Variants in PTPRS observed in about 807,000 individuals in gnomAD.
The protein encoded by PTPRS is protein tyrosine phosphatase receptor type S, also known as receptor-type tyrosine-protein phosphatase S.
A neutral mutation model predicts 215.3 loss-of-function variants in PTPRS; 63 were observed. That is an observed-to-expected ratio of 0.29 (90% CI 0.24 to 0.36). The LOEUF (loss-of-function observed/expected upper bound fraction) is 0.36. Ranked by LOEUF, PTPRS falls within the 10% of genes least tolerant of loss-of-function variation. PTPRS has a pLI of 1.00. For missense variants in PTPRS, 2,258 were observed against 2,825.8 expected (o/e 0.80, Z 4.56); for synonymous variants, 1,404 against 1,191.4 (o/e 1.18, Z -3.68).
At chr19:5,223,614 G>A (rs932203368) in intron 17 of PTPRS, among the ~76,000 whole-genome samples, 1 of 147,832 alleles carries the variant, frequency 6.8e-6, no homozygotes, top group Non-Finnish European at 1.5e-5. Context: ...CCAGGCTGAA[G>A]TGCAGTAGCC....
Position 5,237,338 on chromosome 19 carries a change from C to A in PTPRS, c.1849+1581G>T, listed in dbSNP as rs2043546966. 6.6e-6 allele frequency among the ~76,000 whole-genome samples: 1 copy of A among 152,258 alleles called. No homozygotes were observed. Among genetic ancestry groups the A allele is most frequent in the African/African-American group, 2.4e-5 (1 of 41,472 alleles). On this transcript the variant is annotated intron_variant, in intron 13 of 37. Coordinates refer to ENST00000262963, the MANE Select transcript of PTPRS (RefSeq NM_002850.4). This position sits in a 1 kb window ranked among gnomAD's most constrained non-coding sequence, Gnocchi z 4.2. ...GCCCTGAGTCTTTGCTGTCGGTTCT[C>A]CTGGGCCCCACCCGTCTCGGGGCAA...
chr19:5,268,270 G>A (rs2046603615), intron 4 of PTPRS, among the ~76,000 whole-genome samples: 1 of 152,306 alleles, frequency 6.6e-6, no homozygotes, highest in Middle Eastern at 3.4e-3. Context: ...CAATGGCAGA[G>A]TTTTGGGTTG....
At chr19:5,333,200 G>C (rs958800320) in intron 1 of PTPRS, among the ~76,000 whole-genome samples, 2 of 151,098 alleles carry the variant, frequency 1.3e-5, no homozygotes, top group Non-Finnish European at 2.9e-5. Flanking sequence ...GCCAGGTGTG[G>C]TGGCTCACAC....
At chr19:5,272,501 G>C (rs987903789) in intron 4 of PTPRS, among the ~76,000 whole-genome samples, 6 of 149,674 alleles carry the variant, frequency 4.0e-5, no homozygotes, top group Non-Finnish European at 7.4e-5. Context: ...GGGAGGCTGA[G>C]GCAGGAGAAT....
chr19:5,251,554 C>T (rs1599705108), intron 9 of PTPRS, among the ~76,000 whole-genome samples: 1 of 151,758 alleles, frequency 6.6e-6, no homozygotes, highest in East Asian at 1.9e-4. Context: ...GCCGGAGACA[C>T]GGGGCTTTCC....
In PTPRS at chr19:5,220,080, A is replaced by G. The variant is rs148598221; in HGVS notation, c.3624T>C (p.Tyr1208=). ...HSRQLEVPRP[Y]IAARFSVLPP... ...GCAGCACAGAGAAGCGAGCTGCAAT[A>G]TAGGGCCGGGGCACCTCCAGCTGAC... The change falls in exon 22 of 38, where the codon TAT becomes TAC. Residue 1208 remains tyrosine (Y), a synonymous_variant. Transcript: ENST00000262963. 10 of 1,613,824 alleles carry G rather than the reference A, an allele frequency of 6.2e-6. No homozygotes were observed. In the African/African-American group the frequency reaches 1.1e-4, roughly 17 times the overall value.
intron 7 of PTPRS, among the ~76,000 whole-genome samples, chr19:5,260,207 C>T (rs1210953472): frequency 3.5e-5 from 5 of 144,614 alleles, no homozygotes; most frequent in African/African-American, 5.1e-5. Context: ...TGAGGAGTCT[C>T]ATTCTGTCAC....
In PTPRS at chr19:5,246,056, G is replaced by A. The variant is rs1401520003; in HGVS notation, c.719-11C>T. The A allele has an allele frequency of 6.9e-7, 1 of 1,447,454 alleles. No homozygotes were observed. 89.7% of individuals were successfully genotyped at this position (1,447,454 alleles called of 1,614,324 possible). A position where few individuals can be genotyped will look rare whatever the true frequency, so the allele number is the denominator to read the frequency against. Reference sequence around the variant, plus strand: ...GGGCCACGCGGCGGACTGGGGAGGGGGCGGCAGTGGCGGCGGGAGGGAGAT... The same window carrying A: ...GGGCCACGCGGCGGACTGGGGAGGGAGCGGCAGTGGCGGCGGGAGGGAGAT... On this transcript the variant is annotated splice_polypyrimidine_tract_variant and intron_variant, in intron 9 of 37. Transcript: ENST00000262963.
At position 5,282,270 on chromosome 19, in the gene PTPRS, T is replaced by C. The variant is rs558763227; in HGVS notation, c.91+3780A>G. Among the ~76,000 whole-genome samples, 24 of 152,200 alleles carry C rather than the reference T, an allele frequency of 1.6e-4. No homozygotes were observed. The South Asian group carries it at 4.6e-3, about 29-fold the overall frequency. ...CGGTCTTCTCCAGGCAGCTTTGGGA[T>C]CTGAGCCAGCCTGGAAGAGCTGTCC... On this transcript the variant is annotated intron_variant, in intron 2 of 37. Coordinates refer to ENST00000262963, the MANE Select transcript of PTPRS (RefSeq NM_002850.4).
chr19:5,210,420 C>T lies in PTPRS; in HGVS notation c.5487+49G>A. On this transcript the variant is annotated intron_variant, in intron 35 of 37. Coordinates refer to ENST00000262963, the MANE Select transcript of PTPRS (RefSeq NM_002850.4). This position sits in a 1 kb window ranked among gnomAD's most constrained non-coding sequence, Gnocchi z 4.5. ...CATCACCAACCAGGGCAGCCCTTTC[C>T]AGATCACTAAGGCTCCAGCCCCTCC... 6.2e-7 allele frequency: 1 copy of T among 1,612,310 alleles called. No homozygotes were observed. Among genetic ancestry groups the T allele is most frequent in the East Asian group, 2.2e-5 (1 of 44,844 alleles).
intron 1 of PTPRS, among the ~76,000 whole-genome samples, chr19:5,319,483 G>A (rs1600115112): frequency 7.1e-6 from 1 of 140,266 alleles, no homozygotes; most frequent in African/African-American, 2.7e-5. Flanking sequence ...ACCCACCTTT[G>A]CCTTCACCTG....
At chr19:5,211,419 A>C (rs2040870023) in intron 33 of PTPRS, among the ~76,000 whole-genome samples, 171 bp downstream of exon 33, 1 of 152,192 alleles carries the variant, frequency 6.6e-6, no homozygotes. Flanking sequence ...ACACACACCC[A>C]AAGATTCACG....
In PTPRS at chr19:5,244,176, T is replaced by G; in HGVS notation, c.1295A>C (p.Asn432Thr). Residue 432 changes from asparagine to threonine, a missense_variant, in exon 11 of 38, where the codon AAC (asparagine) becomes ACC (threonine). By Grantham distance (65) the Asn-to-Thr change is moderately conservative (BLOSUM62 0). Transcript: ENST00000262963. This position sits in a 1 kb window ranked among gnomAD's most constrained non-coding sequence, Gnocchi z 7.2. ...CGCGCTGAGCATCCGGGCTTGCACG[T>G]TCCGCGGCGCGCTGGCCGGGGCCTG... ...GEQAPASAPR[N>T]VQARMLSATT... 1 of 1,599,254 alleles carries G rather than the reference T, an allele frequency of 6.3e-7. No homozygotes were observed. Among genetic ancestry groups the G allele is most frequent in the Non-Finnish European group, 8.5e-7 (1 of 1,172,218 alleles).
chr19:5,256,103 C>A lies in PTPRS; in HGVS notation c.718+5G>T. ...AGAAAGTAAAAAAGAAAAAAACACA[C>A]CAACCTTCTCGAAGCTCTGAGGGAT... On this transcript the variant is annotated splice_donor_5th_base_variant and intron_variant, in intron 9 of 37. Transcript: ENST00000262963. 1 of 1,521,634 alleles carries A rather than the reference C, an allele frequency of 6.6e-7. No homozygotes were observed. 94.3% of individuals were successfully genotyped at this position (1,521,634 alleles called of 1,614,324 possible). A position where few individuals can be genotyped will look rare whatever the true frequency, so the allele number is the denominator to read the frequency against.
intron 1 of PTPRS, among the ~76,000 whole-genome samples, chr19:5,312,214 GA>G (rs1246290564): frequency 2.0e-5 from 3 of 152,124 alleles, no homozygotes; most frequent in Non-Finnish European, 4.4e-5. Flanking sequence ...ACACAGCCCT[GA>G]AAAAGAATGC....
At chr19:5,219,058 C>T in intron 23 of PTPRS, 1 of 641,276 alleles carries the variant, frequency 1.6e-6, no homozygotes, top group Non-Finnish European at 2.7e-6. Flanking sequence ...CACAGGCAGC[C>T]TCTACCCCAA....
Position 5,220,887 on chromosome 19 carries a change from T to C in PTPRS, c.3455+113A>G. 2 of 1,266,144 alleles carry C rather than the reference T, an allele frequency of 1.6e-6. 1 individual carries two copies. Among genetic ancestry groups the C allele is most frequent in the Middle Eastern group, 4.3e-4 (2 of 4,648 alleles). The allele number at this position is 1,266,144 out of a possible 1,614,324, so 78.4% of individuals were successfully genotyped here. On this transcript the variant is annotated intron_variant, in intron 20 of 37. Transcript: ENST00000262963. ...ACCCCATGAACTAGGGCTGATAGGG[T>C]CTGTGTTTCATAGGCAAGGAAATTG...
At chr19:5,264,957 C>T in intron 5 of PTPRS, 51 bp downstream of exon 5, 1 of 1,596,018 alleles carries the variant, frequency 6.3e-7, no homozygotes, top group Middle Eastern at 1.7e-4. Flanking sequence ...ATGCTCCCCA[C>T]CCCCTGCTGC....
chr19:5,288,600 G>T (rs187584954), intron 1 of PTPRS, among the ~76,000 whole-genome samples: 1 of 152,302 alleles, frequency 6.6e-6, no homozygotes, highest in Admixed American at 6.5e-5. Flanking sequence ...ATGCACATCT[G>T]CTTGGCCACA....
Sources: allele counts gnomAD v4.1 joint callset (sites outside exome capture counted in the v4.1 genomes callset), GRCh38; gene constraint gnomAD v4.1.1; non-coding constraint Gnocchi (gnomAD v3.1); transcripts MANE v1.5; gene names NCBI Gene and HGNC (gene_info 2026-07-23, HGNC 2026-07-21).